The following IMMP2L variants were observed in gnomAD, a reference collection of about 807,000 sequenced individuals.
IMMP2L encodes the protein mitochondrial inner membrane protease subunit 2.
A neutral mutation model predicts 19.3 loss-of-function variants in IMMP2L; 18 were observed. The observed-to-expected ratio is 0.93, with a 90% CI of 0.64 to 1.38. IMMP2L has a LOEUF of 1.38. IMMP2L is among the 40% of genes most tolerant of loss of function. The pLI, the probability that IMMP2L is intolerant of heterozygous loss-of-function variation, is 0.00. For missense variants in IMMP2L, 233 were observed against 218.2 expected, an observed-to-expected ratio of 1.07 and a Z score of -0.43; for synonymous variants, 76 against 73.0, an observed-to-expected ratio of 1.04 and a Z score of -0.21.
chr7:111,371,446 C>T (rs558509903), intron 3 of IMMP2L, among the ~76,000 whole-genome samples: 37 of 152,004 alleles, frequency 2.4e-4, no homozygotes, highest in Non-Finnish European at 3.8e-4. Context: ...TGGCTGTGTG[C>T]TTTTGACTGC....
intron 2 of IMMP2L, among the ~76,000 whole-genome samples, chr7:111,500,519 C>T (rs1844101632): frequency 6.6e-6 from 1 of 152,184 alleles, no homozygotes; most frequent in African/African-American, 2.4e-5. Flanking sequence ...TCAAGTGGGT[C>T]CCTGACTCCC....
At chr7:111,224,510 A>G (rs906082242) in intron 3 of IMMP2L, among the ~76,000 whole-genome samples, 3 of 152,098 alleles carry the variant, frequency 2.0e-5, no homozygotes, top group African/African-American at 7.2e-5. Flanking sequence ...AAATTACTCA[A>G]GTAGTAAACT....
At chr7:111,508,687 G>A (rs904103088) in intron 2 of IMMP2L, among the ~76,000 whole-genome samples, 3 of 152,122 alleles carry the variant, frequency 2.0e-5, no homozygotes, top group African/African-American at 7.2e-5. Context: ...AAATGTTAAA[G>A]CAAAGACACC....
intron 5 of IMMP2L, among the ~76,000 whole-genome samples, chr7:110,846,234 C>T (rs968009819): frequency 1.3e-5 from 2 of 151,984 alleles, no homozygotes; most frequent in African/African-American, 4.8e-5. Context: ...ACCTGAACAG[C>T]GAAGTGCCTT....
intron 4 of IMMP2L, among the ~76,000 whole-genome samples, chr7:110,917,755 T>C (rs1001598149): frequency 4.6e-5 from 7 of 152,206 alleles, no homozygotes; most frequent in African/African-American, 9.7e-5. Context: ...ACCATGTTAA[T>C]GTATTATCTA....
At chr7:111,359,828 G>C (rs1829092663) in intron 3 of IMMP2L, among the ~76,000 whole-genome samples, 1 of 152,008 alleles carries the variant, frequency 6.6e-6, no homozygotes, top group Admixed American at 6.6e-5. Flanking sequence ...TTAAAGAAGA[G>C]GAAATAAATG....
At chr7:111,178,889 T>C (rs551071561) in intron 3 of IMMP2L, among the ~76,000 whole-genome samples, 1 of 152,202 alleles carries the variant, frequency 6.6e-6, no homozygotes, top group Non-Finnish European at 1.5e-5. Flanking sequence ...CAAATTCCTG[T>C]TCATGTTGAT....
At chr7:111,466,165 T>G (rs868374847) in intron 3 of IMMP2L, among the ~76,000 whole-genome samples, 9 of 152,032 alleles carry the variant, frequency 5.9e-5, no homozygotes, top group African/African-American at 1.4e-4. Context: ...TCACACACTG[T>G]GGCCTGTTGT....
chr7:110,784,819 G>A lies in IMMP2L; in HGVS notation c.408+101774C>T, dbSNP rs538662107. Among the ~76,000 whole-genome samples the A allele has an allele frequency of 3.3e-3, 504 of 151,934 alleles. 1 individual carries two copies. The highest frequency in any genetic ancestry group is 5.0e-3 in the South Asian group (24 of 4,818). Reference sequence around the variant, plus strand: ...CAGATTTTTCAAAGCTCTACTTAGAGCTCCCCTGTGCTACCAGGGTTAACA... The same window carrying A: ...CAGATTTTTCAAAGCTCTACTTAGAACTCCCCTGTGCTACCAGGGTTAACA... On this transcript the variant is annotated intron_variant, in intron 5 of 5. Transcript: ENST00000405709.
At chr7:110,893,356 C>T (rs569799858) in intron 4 of IMMP2L, among the ~76,000 whole-genome samples, 1 of 152,220 alleles carries the variant, frequency 6.6e-6, no homozygotes, top group African/African-American at 2.4e-5. Context: ...CACAATAAAA[C>T]AAGGTATGAC....
intron 3 of IMMP2L, among the ~76,000 whole-genome samples, chr7:111,380,999 C>A (rs983240469): frequency 6.6e-6 from 1 of 151,892 alleles, no homozygotes; most frequent in Non-Finnish European, 1.5e-5. Context: ...AATCTGAGCA[C>A]CGTATTTAAA....
intron 3 of IMMP2L, among the ~76,000 whole-genome samples, chr7:111,376,703 T>C (rs1249780349): frequency 6.6e-6 from 1 of 152,158 alleles, no homozygotes; most frequent in African/African-American, 2.4e-5. Context: ...ATACAGTGAA[T>C]ATTATTAAGA....
intron 5 of IMMP2L, among the ~76,000 whole-genome samples, chr7:110,869,372 C>T (rs573689112): frequency 1.2e-4 from 18 of 152,146 alleles, no homozygotes; most frequent in African/African-American, 2.9e-4. Context: ...TCAATAGAAA[C>T]GAGAACGTCT....
chr7:111,351,912 A>G (rs1455965901), intron 3 of IMMP2L, among the ~76,000 whole-genome samples: 1 of 152,212 alleles, frequency 6.6e-6, no homozygotes, highest in African/African-American at 2.4e-5. Context: ...ATATATTAAC[A>G]TGCAGCTGAA....
intron 3 of IMMP2L, among the ~76,000 whole-genome samples, chr7:110,988,813 AT>A (rs1361638754): frequency 1.3e-5 from 2 of 152,216 alleles, no homozygotes; most frequent in African/African-American, 4.8e-5. Flanking sequence ...GTAGAATAAT[AT>A]CTGATAATTT....
chr7:111,221,876 A>G (rs1022751648), intron 3 of IMMP2L, among the ~76,000 whole-genome samples: 6 of 152,054 alleles, frequency 3.9e-5, no homozygotes, highest in African/African-American at 1.4e-4. Context: ...ATAGCATAGC[A>G]TTAGGCCAAA....
chr7:111,506,449 G>A (rs1208149463), intron 2 of IMMP2L, among the ~76,000 whole-genome samples: 1 of 152,020 alleles, frequency 6.6e-6, no homozygotes, highest in Non-Finnish European at 1.5e-5. Flanking sequence ...CCAGGCTGCA[G>A]TGCAGTGGTG....
At chr7:110,927,294 T>C (rs144005826) in intron 4 of IMMP2L, among the ~76,000 whole-genome samples, 35 of 152,252 alleles carry the variant, frequency 2.3e-4, no homozygotes, top group African/African-American at 8.2e-4. Flanking sequence ...AGAGATGCTC[T>C]AGGAATATCA....
chr7:111,085,846 T>C (rs1796275226), intron 3 of IMMP2L, among the ~76,000 whole-genome samples: 1 of 152,148 alleles, frequency 6.6e-6, no homozygotes, highest in South Asian at 2.1e-4. Context: ...GGGACATGGA[T>C]GCAGCTGGAG....
Sources: allele counts gnomAD v4.1 joint callset (sites outside exome capture counted in the v4.1 genomes callset), GRCh38; gene constraint gnomAD v4.1.1; transcripts MANE v1.5; gene names NCBI Gene and HGNC (gene_info 2026-07-23, HGNC 2026-07-21).